The following ROBO1 variants were observed in gnomAD, a reference collection of about 807,000 sequenced individuals.
ROBO1 encodes roundabout guidance receptor 1.
In ROBO1, 149 loss-of-function variants were observed where a neutral mutation model predicts 195.9. That is an observed-to-expected ratio of 0.76 (90% CI 0.67 to 0.87). The LOEUF (loss-of-function observed/expected upper bound fraction) is 0.87, where lower values mean the gene tolerates loss of function less well. ROBO1 is among the 40% of genes least tolerant of loss of function. The pLI, the probability that ROBO1 is intolerant of heterozygous loss-of-function variation, is 0.00. For synonymous variants in ROBO1, 816 were observed against 733.2 expected (o/e 1.11, Z -1.82); for missense variants, 1,933 against 2,068.3 (o/e 0.93, Z 1.27).
At chr3:78,662,740 GTTTA>G (rs1306718808) in intron 14 of ROBO1, among the ~76,000 whole-genome samples, 2 of 152,058 alleles carry the variant, frequency 1.3e-5, no homozygotes, top group African/African-American at 2.4e-5. Context: ...AGTACTTAAC[GTTTA>G]TTTAATTGAT....
chr3:78,944,402 G>C (rs2040302660), intron 3 of ROBO1, among the ~76,000 whole-genome samples: 1 of 152,214 alleles, frequency 6.6e-6, no homozygotes, highest in Admixed American at 6.5e-5. Flanking sequence ...GGACACAGAA[G>C]GCAGCCATCT....
At chr3:78,999,109 A>C (rs533847726) in intron 3 of ROBO1, among the ~76,000 whole-genome samples, 2 of 152,148 alleles carry the variant, frequency 1.3e-5, no homozygotes, top group East Asian at 3.9e-4. Flanking sequence ...CTTATTATAC[A>C]CTGTTGGTGG....
intron 15 of ROBO1, 121 bp from the exon 16 acceptor site, chr3:78,661,382 C>A: frequency 1.9e-6 from 1 of 528,980 alleles, no homozygotes; most frequent in Non-Finnish European, 3.1e-6. Context: ...CACATTCTTA[C>A]ACAAGAAATG....
intron 1 of ROBO1, among the ~76,000 whole-genome samples, chr3:79,620,703 A>C (rs2107975109): frequency 6.6e-6 from 1 of 152,024 alleles, no homozygotes; most frequent in South Asian, 2.1e-4. Context: ...TTAAACCATA[A>C]GTATGGGATA....
intron 14 of ROBO1, among the ~76,000 whole-genome samples, chr3:78,665,769 GC>G (rs1707695937): frequency 6.6e-6 from 1 of 152,146 alleles, no homozygotes; most frequent in Non-Finnish European, 1.5e-5. Flanking sequence ...ACTCAGAAGG[GC>G]TGACTAGCTT....
chr3:79,064,018 T>C (rs961547001), intron 3 of ROBO1, among the ~76,000 whole-genome samples: 2 of 151,880 alleles, frequency 1.3e-5, no homozygotes, highest in Admixed American at 1.3e-4. Flanking sequence ...AATTCTGGTG[T>C]CTTATTACAC....
At chr3:78,860,180 T>C (rs566245507) in intron 4 of ROBO1, among the ~76,000 whole-genome samples, 1 of 150,682 alleles carries the variant, frequency 6.6e-6, no homozygotes, top group African/African-American at 2.4e-5. Context: ...GATAGATAGA[T>C]AGATGATAGA....
chr3:79,329,028 A>C (rs1294315311), intron 2 of ROBO1, among the ~76,000 whole-genome samples: 2 of 152,182 alleles, frequency 1.3e-5, no homozygotes, highest in Non-Finnish European at 2.9e-5. Flanking sequence ...ATTTGTGAGA[A>C]TCTGCTCTTC....
chr3:79,100,430 C>A (rs2079654461), intron 3 of ROBO1, among the ~76,000 whole-genome samples: 1 of 151,588 alleles, frequency 6.6e-6, no homozygotes, highest in East Asian at 1.9e-4. Context: ...TTTATTTATA[C>A]TGCTTTCATT....
intron 1 of ROBO1, among the ~76,000 whole-genome samples, chr3:79,657,559 G>C (rs1183152621): frequency 6.6e-6 from 1 of 151,958 alleles, no homozygotes; most frequent in East Asian, 1.9e-4. Context: ...AAATTAATGA[G>C]ATTATGCAAA....
chr3:79,691,931 TAGAC>T (rs1258421611), intron 1 of ROBO1, among the ~76,000 whole-genome samples: 1 of 151,942 alleles, frequency 6.6e-6, no homozygotes, highest in Admixed American at 6.6e-5. Flanking sequence ...AGTTTTGTAT[TAGAC>T]AGCACAATTG....
At position 79,427,459 on chromosome 3, in the gene ROBO1, C is replaced by T. The variant is rs77414688; in HGVS notation, c.88+162365G>A. The stretch of plus-strand genomic sequence containing the variant: ...GTGTTTAGGGGACGCAATTCTAATG[C>T]CAGCTTATCTGGGCTTGAATATCAG... On this transcript the variant is annotated intron_variant, in intron 2 of 30. Transcript: ENST00000464233. Among the ~76,000 whole-genome samples the T allele has an allele frequency of 8.7e-4, 132 of 152,248 alleles. No homozygotes were observed. In the East Asian group the frequency reaches 0.025, roughly 29 times the overall value.
chr3:79,365,626 G>C (rs1286642717), intron 2 of ROBO1, among the ~76,000 whole-genome samples: 1 of 152,066 alleles, frequency 6.6e-6, no homozygotes, highest in Non-Finnish European at 1.5e-5. Flanking sequence ...GGCCGGGCAC[G>C]GTGGCTTAAG....
At chr3:79,710,952 T>C (rs540776338) in intron 1 of ROBO1, among the ~76,000 whole-genome samples, 2 of 152,284 alleles carry the variant, frequency 1.3e-5, no homozygotes, top group South Asian at 4.1e-4. Flanking sequence ...TGGATCATTA[T>C]CCCTGAGTAG....
chr3:79,638,636 A>G (rs1469993279), intron 1 of ROBO1, among the ~76,000 whole-genome samples: 1 of 152,176 alleles, frequency 6.6e-6, no homozygotes, highest in African/African-American at 2.4e-5. Context: ...GAAAGGAGAT[A>G]AATTTCATTA....
At chr3:79,404,625 T>C (rs955866073) in intron 2 of ROBO1, among the ~76,000 whole-genome samples, 1 of 152,160 alleles carries the variant, frequency 6.6e-6, no homozygotes, top group Non-Finnish European at 1.5e-5. Context: ...AGGCCACTCA[T>C]GTTCTGCCAT....
At chr3:78,723,632 T>C (rs921605592) in intron 5 of ROBO1, among the ~76,000 whole-genome samples, 36 of 152,102 alleles carry the variant, frequency 2.4e-4, no homozygotes, top group African/African-American at 8.7e-4. Flanking sequence ...GCAGACATAT[T>C]TTGTTGTCAG....
At chr3:79,367,968 G>A (rs2036039065) in intron 2 of ROBO1, among the ~76,000 whole-genome samples, 2 of 152,142 alleles carry the variant, frequency 1.3e-5, no homozygotes, top group Non-Finnish European at 2.9e-5. Context: ...TTGAGGCAGA[G>A]TCTCACTCTG....
intron 4 of ROBO1, among the ~76,000 whole-genome samples, chr3:78,841,730 C>T (rs2033218819): frequency 6.6e-6 from 1 of 152,090 alleles, no homozygotes; most frequent in Non-Finnish European, 1.5e-5. Flanking sequence ...TTTGCAATTC[C>T]TATGACATAG....
Sources: gnomAD v4.1 joint callset for allele counts (sites outside exome capture counted in the v4.1 genomes callset) on GRCh38, gnomAD v4.1.1 for gene constraint, MANE v1.5 for transcripts, NCBI Gene and HGNC (gene_info 2026-07-23, HGNC 2026-07-21) for gene names.